FER1L6: variants seen among roughly 807,000 people sequenced by gnomAD.
The protein encoded by FER1L6 is fer-1 like family member 6.
In FER1L6, 177 loss-of-function variants were observed where a neutral mutation model predicts 219.2. The observed-to-expected ratio is 0.81, with a 90% CI of 0.71 to 0.91. The LOEUF is 0.91. Among genes scored for constraint, FER1L6 ranks in the 40% least tolerant of loss-of-function variants. The pLI is 0.00. For missense variants in FER1L6, 2,153 were observed against 2,259.9 expected (o/e 0.95, Z 0.96); for synonymous variants, 768 against 824.3 (o/e 0.93, Z 1.17).
intron 39 of FER1L6, among the ~76,000 whole-genome samples, chr8:124,103,662 C>A (rs1822639810): frequency 6.6e-6 from 1 of 152,148 alleles, no homozygotes; most frequent in Admixed American, 6.5e-5. Context: ...GTGATCCATC[C>A]TTTTAAAAGA....
intron 1 of FER1L6, among the ~76,000 whole-genome samples, chr8:123,896,202 C>T (rs967732692): frequency 6.6e-6 from 1 of 152,160 alleles, no homozygotes; most frequent in Non-Finnish European, 1.5e-5. Context: ...GTGGGTTACA[C>T]AGGGAAATGC....
intron 18 of FER1L6, 93 bp from the exon 19 acceptor site, chr8:124,035,184 G>C: frequency 1.5e-6 from 2 of 1,328,490 alleles, no homozygotes; most frequent in Non-Finnish European, 2.1e-6. Flanking sequence ...CATACTTCCA[G>C]GTGTGTCTCC....
At chr8:123,937,108 G>A (rs1311246385) in intron 1 of FER1L6, among the ~76,000 whole-genome samples, 3 of 152,104 alleles carry the variant, frequency 2.0e-5, no homozygotes, top group Non-Finnish European at 2.9e-5. Context: ...GTTTCACCAT[G>A]TTGGCCAGGC....
intron 39 of FER1L6, 84 bp from the exon 40 acceptor site, chr8:124,118,760 C>T: frequency 3.5e-6 from 4 of 1,130,788 alleles, no homozygotes; most frequent in Non-Finnish European, 5.1e-6. Flanking sequence ...TGGAATTCTC[C>T]AACTTGGTAA....
rs766205193 is a variant in FER1L6 at position 124,076,279 on chromosome 8, G to T, written c.4174G>T (p.Asp1392Tyr). 1.2e-6 allele frequency: 2 copies of T among 1,613,960 alleles called. No homozygotes were observed. Among genetic ancestry groups the T allele is most frequent in the Non-Finnish European group, 1.7e-6 (2 of 1,179,850 alleles). The change falls in exon 32 of 41, where the codon GAC (aspartate) becomes TAC (tyrosine). Residue 1392 changes from aspartate to tyrosine, a missense_variant. Asp to Tyr is a radical substitution (Grantham distance 160). Coordinates refer to ENST00000522917, the MANE Select transcript of FER1L6 (RefSeq NM_001039112.2). ...CAAGCTTGGCAAGACAGAAATCAAA[G>T]ACCGGGATAAATACATCCCTAAACA... ...VIKLGKTEIK[D>Y]RDKYIPKQLN... is the part of the protein sequence containing the mutation.
chr8:124,109,880 T>C (rs1439990564), intron 39 of FER1L6, among the ~76,000 whole-genome samples: 2 of 152,202 alleles, frequency 1.3e-5, no homozygotes, highest in African/African-American at 4.8e-5. Context: ...GTTGCTAATA[T>C]GAACTGACTA....
intron 1 of FER1L6, among the ~76,000 whole-genome samples, chr8:123,914,917 G>C (rs2129786289): frequency 6.6e-6 from 1 of 152,268 alleles, no homozygotes; most frequent in South Asian, 2.1e-4. Flanking sequence ...TTTGGAAAAT[G>C]TAGAAGCTAA....
Position 123,980,793 on chromosome 8 carries a change from G to C in FER1L6, c.1392G>C (p.Ser464=). The C allele has an allele frequency of 6.2e-7, 1 of 1,613,734 alleles. No individual in the cohort carries two copies. Residue 464 remains serine (S), a synonymous_variant, in exon 11 of 41, where the codon TCG becomes TCC. Transcript: ENST00000522917. ...ACTCAACCGAGGTGGAGGTGGAATC[G>C]TTCGATGTCCCCCCGGAGGTAGGTC... ...KTNSTEVEVE[S]FDVPPEIVPE...
chr8:124,085,910 G>T (rs1821768178), intron 33 of FER1L6, among the ~76,000 whole-genome samples: 1 of 152,056 alleles, frequency 6.6e-6, no homozygotes, highest in Non-Finnish European at 1.5e-5. Context: ...GGGTGTGTGT[G>T]TATGCAACTG....
chr8:124,067,751 G>C lies in FER1L6; in HGVS notation c.3679-16G>C. On this transcript the variant is annotated splice_polypyrimidine_tract_variant and intron_variant, in intron 27 of 40. Coordinates refer to ENST00000522917, the MANE Select transcript of FER1L6 (RefSeq NM_001039112.2). ...CAAGTATTGTGGTGTCAATAATATT[G>C]TCTCCTTTTTCAAAGGCAAAGGAGA... The C allele has an allele frequency of 6.2e-7, 1 of 1,605,576 alleles. No homozygotes were observed. Among genetic ancestry groups the C allele is most frequent in the Non-Finnish European group, 8.5e-7 (1 of 1,172,596 alleles).
intron 20 of FER1L6, among the ~76,000 whole-genome samples, chr8:124,040,288 G>A (rs1413074213): frequency 1.3e-5 from 2 of 152,208 alleles, no homozygotes; most frequent in African/African-American, 4.8e-5. Flanking sequence ...AAAGTGCCAG[G>A]CACGAGGCCA....
chr8:123,869,711 G>C (rs1244525910), intron 1 of FER1L6, among the ~76,000 whole-genome samples: 2 of 152,086 alleles, frequency 1.3e-5, no homozygotes, highest in Non-Finnish European at 2.9e-5. Context: ...TATATAAAAA[G>C]GCAAAAGAAT....
intron 1 of FER1L6, among the ~76,000 whole-genome samples, chr8:123,911,178 C>T (rs971371704): frequency 2.0e-5 from 3 of 151,442 alleles, no homozygotes; most frequent in African/African-American, 7.3e-5. Context: ...AGATTCAAGA[C>T]AAAAAAATGG....
At chr8:124,015,793 C>T (rs1017495780) in intron 15 of FER1L6, 4 of 151,874 alleles carry the variant, frequency 2.6e-5, no homozygotes, top group Non-Finnish European at 4.4e-5. Flanking sequence ...AAGTTTACAA[C>T]CAACTGAAAA....
At chr8:124,071,861 G>T (rs1821089642) in intron 31 of FER1L6, among the ~76,000 whole-genome samples, 1 of 152,064 alleles carries the variant, frequency 6.6e-6, no homozygotes, top group Non-Finnish European at 1.5e-5. Context: ...TTTCCTCTGT[G>T]CACGTGTATA....
chr8:123,945,457 G>T (rs1814444418), intron 1 of FER1L6, among the ~76,000 whole-genome samples: 1 of 152,232 alleles, frequency 6.6e-6, no homozygotes, highest in African/African-American at 2.4e-5. Context: ...TTTTTATAAA[G>T]CCTCTCCAAA....
intron 38 of FER1L6, among the ~76,000 whole-genome samples, chr8:124,102,880 CAAGTT>C (rs1486738308): frequency 1.3e-5 from 2 of 152,194 alleles, no homozygotes; most frequent in African/African-American, 4.8e-5. Context: ...CTGAGGCTTG[CAAGTT>C]AAGTATTGTT....
intron 26 of FER1L6, among the ~76,000 whole-genome samples, chr8:124,064,781 T>C (rs778125009): frequency 6.6e-6 from 1 of 152,236 alleles, no homozygotes; most frequent in African/African-American, 2.4e-5. Context: ...GAAATTAAAG[T>C]GCTGGTCAAA....
chr8:123,898,408 A>G (rs368230732), intron 1 of FER1L6, among the ~76,000 whole-genome samples: 5 of 151,754 alleles, frequency 3.3e-5, no homozygotes, highest in Non-Finnish European at 5.9e-5. Context: ...ACACTGTACC[A>G]TATTTGTAGT....
Sources: allele counts gnomAD v4.1 joint callset (sites outside exome capture counted in the v4.1 genomes callset), GRCh38; gene constraint gnomAD v4.1.1; transcripts MANE v1.5; gene names NCBI Gene and HGNC (gene_info 2026-07-23, HGNC 2026-07-21).